Variants in REV3L observed in about 807,000 individuals in gnomAD.
The protein encoded by REV3L is DNA polymerase zeta catalytic subunit.
In REV3L, 69 loss-of-function variants were observed where a neutral mutation model predicts 299.4. The observed-to-expected ratio is 0.23, with a 90% CI of 0.19 to 0.28. The LOEUF (loss-of-function observed/expected upper bound fraction) is 0.28, where lower values mean the gene tolerates loss of function less well. REV3L is among the 10% of genes least tolerant of loss of function. The pLI is 1.00. For synonymous variants in REV3L, 1,238 were observed against 1,271.4 expected, an observed-to-expected ratio of 0.97 and a Z score of 0.56; for missense variants, 3,128 against 3,693.8, an observed-to-expected ratio of 0.85 and a Z score of 3.97.
intron 1 of REV3L, among the ~76,000 whole-genome samples, chr6:111,478,382 A>G (rs1167023132): frequency 6.6e-6 from 1 of 152,168 alleles, no homozygotes; most frequent in Non-Finnish European, 1.5e-5. Context: ...CAGGGCTTCA[A>G]ATACCTACTT....
At chr6:111,411,658 G>A (rs779910426) in intron 2 of REV3L, 104 bp from the exon 3 acceptor site, 7 of 743,280 alleles carry the variant, frequency 9.4e-6, no homozygotes, top group African/African-American at 3.6e-5. Context: ...TCAGTCTTAC[G>A]TTTAATATTA....
intron 1 of REV3L, among the ~76,000 whole-genome samples, chr6:111,429,734 C>T (rs1786646166): frequency 1.3e-5 from 2 of 152,154 alleles, no homozygotes; most frequent in Admixed American, 1.3e-4. Flanking sequence ...CCGCTCCCGC[C>T]CTCGGCTCGC....
chr6:111,442,971 G>A (rs984383575), intron 1 of REV3L, among the ~76,000 whole-genome samples: 4 of 140,722 alleles, frequency 2.8e-5, no homozygotes, highest in East Asian at 2.0e-4. Flanking sequence ...TCACTTTGTC[G>A]CTCAGGCGGC....
intron 1 of REV3L, chr6:111,430,652 G>C: frequency 5.9e-6 from 9 of 1,518,254 alleles, no homozygotes; most frequent in Non-Finnish European, 8.2e-6. Flanking sequence ...CGAGAAGAGA[G>C]AGGACTCTGG....
intron 1 of REV3L, among the ~76,000 whole-genome samples, chr6:111,422,675 T>TAC (rs1785678454): frequency 2.7e-5 from 1 of 37,608 alleles, no homozygotes; most frequent in African/African-American, 6.0e-5. Flanking sequence ...TATATATATA[T>TAC]ATACGTATAT....
intron 22 of REV3L, among the ~76,000 whole-genome samples, chr6:111,334,192 C>G (rs1775684114): frequency 6.6e-6 from 1 of 152,188 alleles, no homozygotes; most frequent in African/African-American, 2.4e-5. Context: ...CCTGCCTTGG[C>G]CTCCTAAACT....
intron 14 of REV3L, 107 bp downstream of exon 14, chr6:111,367,008 G>T: frequency 2.2e-6 from 2 of 927,764 alleles, no homozygotes; most frequent in Non-Finnish European, 3.1e-6. Flanking sequence ...TATTTGCTGA[G>T]CTATACCTTC....
chr6:111,339,035 T>C (rs919268605), intron 21 of REV3L, among the ~76,000 whole-genome samples: 2 of 152,052 alleles, frequency 1.3e-5, no homozygotes, highest in South Asian at 4.1e-4. Context: ...GGTTTCACTG[T>C]TGTAAGGTGA....
At position 111,375,520 on chromosome 6, in the gene REV3L, T is replaced by C. The variant is rs1363155274; in HGVS notation, c.2835A>G (p.Leu945=). Residue 945 remains leucine (L), a synonymous_variant, in exon 13 of 32, where the codon CTA becomes CTG. Transcript: ENST00000368802. ...SFVTHNSKIS[L]PHPMEIGESL... is the part of the protein sequence containing the mutation. The stretch of plus-strand genomic sequence containing the variant: ...TTTCACCAATTTCCATGGGATGAGG[T>C]AGACTAATTTTTGAGTTGTGAGTTA... 6 of 1,613,202 alleles carry C rather than the reference T, an allele frequency of 3.7e-6. No homozygotes were observed. Among genetic ancestry groups the C allele is most frequent in the Middle Eastern group, 1.7e-4 (1 of 6,050 alleles).
Position 111,377,811 on chromosome 6 carries a change from G to C in REV3L, c.1487C>G (p.Thr496Ser). The C allele has an allele frequency of 6.2e-7, 1 of 1,613,230 alleles. No individual in the cohort carries two copies. Among genetic ancestry groups the C allele is most frequent in the Non-Finnish European group, 8.5e-7 (1 of 1,179,720 alleles). The part of the protein sequence containing the change: ...SLCRNTHRSS[T>S]EDDDSSSGEE... ...TCCTGAAGATGAGTCATCATCTTCA[G>C]TTGAACTTCTGTGGGTATTTCTGCA... Residue 496 changes from threonine (T) to serine (S), a missense_variant, in exon 12 of 32, where the codon ACT becomes AGT. Thr to Ser is a moderately conservative substitution (Grantham distance 58). This residue lies in a region of REV3L where 2,409 missense variants were observed against 2,611.8 expected (regional missense o/e 0.92). Transcript: ENST00000368802.
At chr6:111,371,283 G>T (rs1779769230) in intron 13 of REV3L, among the ~76,000 whole-genome samples, 1 of 152,134 alleles carries the variant, frequency 6.6e-6, no homozygotes, top group Admixed American at 6.5e-5. Context: ...GATGAAAGTG[G>T]TATACACCAT....
At chr6:111,470,461 T>C (rs541367621) in intron 1 of REV3L, among the ~76,000 whole-genome samples, 1 of 152,376 alleles carries the variant, frequency 6.6e-6, no homozygotes, top group South Asian at 2.1e-4. Context: ...AAAATGGGGA[T>C]AACAGTCCTA....
intron 19 of REV3L, 48 bp downstream of exon 19, chr6:111,351,628 A>T: frequency 7.1e-7 from 1 of 1,408,762 alleles, no homozygotes; most frequent in Non-Finnish European, 1.0e-6. Context: ...TATTTCCTTT[A>T]TAATTTGCTC....
chr6:111,409,076 A>C (rs757537383), intron 3 of REV3L, among the ~76,000 whole-genome samples: 2 of 152,240 alleles, frequency 1.3e-5, no homozygotes, highest in Non-Finnish European at 2.9e-5. Context: ...CTTAGTGAGA[A>C]AAGAAACATT....
chr6:111,454,813 T>G (rs1206520297), intron 1 of REV3L, among the ~76,000 whole-genome samples: 1 of 152,094 alleles, frequency 6.6e-6, no homozygotes, highest in Non-Finnish European at 1.5e-5. Flanking sequence ...ATTACAGGCA[T>G]GTACCACCAC....
chr6:111,329,487 G>A (rs766732919), intron 25 of REV3L, 45 bp downstream of exon 25: 8 of 1,581,122 alleles, frequency 5.1e-6, no homozygotes, highest in South Asian at 3.3e-5. Flanking sequence ...GTGCCTCACT[G>A]TATTTTAGTC....
rs766889673 is a variant in REV3L at position 111,307,440 on chromosome 6, C to T, written c.9173G>A (p.Arg3058Gln). ...GACTGCAACATGCTGAGGTTGGCTC[C>T]GACATTTACTACAGATGCCATGCTG... ...LTQHGICSKC[R>Q]SQPQHVAVIL... Residue 3058 changes from arginine to glutamine, a missense_variant, in exon 31 of 32, where the codon CGG (arginine) becomes CAG (glutamine). Physicochemically the swap from Arg to Gln is conservative, Grantham distance 43. Around this residue, in one of 9 missense-constraint regions of REV3L, gnomAD observed 294 missense variants for 377.0 expected, o/e 0.78. Coordinates refer to ENST00000368802, the MANE Select transcript of REV3L (RefSeq NM_001372078.1). 29 of 1,613,986 alleles carry T rather than the reference C, an allele frequency of 1.8e-5. No homozygotes were observed. The highest frequency in any genetic ancestry group is 2.2e-5 in the East Asian group (1 of 44,890).
Position 111,482,859 on chromosome 6 carries a change from G to T in REV3L, c.30C>A (p.Asp10Glu). 1 of 1,522,250 alleles carries T rather than the reference G, an allele frequency of 6.6e-7. No homozygotes were observed. The highest frequency in any genetic ancestry group is 8.7e-7 in the Non-Finnish European group (1 of 1,143,194). 94.3% of individuals were successfully genotyped at this position (1,522,250 alleles called of 1,614,324 possible). A position where few individuals can be genotyped will look rare whatever the true frequency, so the allele number is the denominator to read the frequency against. Residue 10 changes from aspartate (D) to glutamate (E), a missense_variant, in exon 1 of 32, where the codon GAC becomes GAA. Transcript: ENST00000368802. The part of the protein sequence containing the change: MFSVRIVTA[D>E]YYMASPLQGL... ...CCTGCAGCGGGCTGGCCATGTAGTAGTCTGCAGTCACTATCCTTACTGAAA... is the reference window on the plus strand; with the variant it reads ...CCTGCAGCGGGCTGGCCATGTAGTATTCTGCAGTCACTATCCTTACTGAAA...
chr6:111,402,315 A>G (rs1562257949), intron 4 of REV3L, among the ~76,000 whole-genome samples: 1 of 151,986 alleles, frequency 6.6e-6, no homozygotes, highest in East Asian at 1.9e-4. Flanking sequence ...GTCTGTGCTC[A>G]CCTTAAGAGA....
Sources: gnomAD v4.1 joint callset for allele counts (sites outside exome capture counted in the v4.1 genomes callset) on GRCh38, gnomAD v4.1.1 for gene constraint, gnomAD v4.1.1 regional missense constraint, MANE v1.5 for transcripts, NCBI Gene and HGNC (gene_info 2026-07-23, HGNC 2026-07-21) for gene names.